Variants in CTNNA2 observed in about 807,000 individuals in gnomAD.
The protein encoded by CTNNA2 is catenin alpha 2.
CTNNA2 carries 42 observed loss-of-function variants against 101.0 expected under a neutral mutation model. That is an observed-to-expected ratio of 0.42 (90% CI 0.32 to 0.54). The LOEUF is 0.54. Among genes scored for constraint, CTNNA2 ranks in the 20% least tolerant of loss-of-function variants. The pLI is 0.14. For missense variants in CTNNA2, 871 were observed against 1,223.1 expected (o/e 0.71, Z 4.29); for synonymous variants, 450 against 456.4 (o/e 0.99, Z 0.18).
chr2:79,259,224 A>T (rs553154858), intron 2 of CTNNA2, among the ~76,000 whole-genome samples: 1 of 152,150 alleles, frequency 6.6e-6, no homozygotes, highest in Non-Finnish European at 1.5e-5. Flanking sequence ...TTCTGTGCTT[A>T]TTCTCCCTGT....
intron 1 of CTNNA2, among the ~76,000 whole-genome samples, chr2:79,564,642 T>A (rs1331385593): frequency 2.6e-5 from 4 of 152,214 alleles, no homozygotes; most frequent in Non-Finnish European, 5.9e-5. Flanking sequence ...GTCTAGTTTA[T>A]AACACCTTTG....
intron 1 of CTNNA2, among the ~76,000 whole-genome samples, chr2:79,600,145 A>T (rs1259172459): frequency 6.6e-6 from 1 of 151,980 alleles, no homozygotes; most frequent in Admixed American, 6.6e-5. Context: ...ATTGAACTAC[A>T]CCGAGAGATA....
intron 17 of CTNNA2, among the ~76,000 whole-genome samples, chr2:80,611,033 C>T (rs1290885171): frequency 2.6e-5 from 4 of 151,360 alleles, no homozygotes; most frequent in Non-Finnish European, 5.9e-5. Flanking sequence ...TGGCTTAAAC[C>T]TGTCTCAACC....
At chr2:80,400,846 C>A (rs1301650287) in intron 8 of CTNNA2, among the ~76,000 whole-genome samples, 1 of 152,190 alleles carries the variant, frequency 6.6e-6, no homozygotes, top group Non-Finnish European at 1.5e-5. Flanking sequence ...AACCTCATAA[C>A]CAGTATCCTA....
chr2:79,823,125 G>C (rs1678149721), intron 3 of CTNNA2, among the ~76,000 whole-genome samples: 1 of 152,138 alleles, frequency 6.6e-6, no homozygotes, highest in African/African-American at 2.4e-5. Flanking sequence ...GACGACTTTT[G>C]TCTCTGTTGC....
At chr2:79,435,490 C>T (rs958650606) in intron 4 of CTNNA2, among the ~76,000 whole-genome samples, 1 of 152,176 alleles carries the variant, frequency 6.6e-6, no homozygotes, top group Non-Finnish European at 1.5e-5. Flanking sequence ...CCAAATGCTA[C>T]CTTGCTCCAC....
At chr2:80,113,227 G>T (rs1024563226) in intron 7 of CTNNA2, among the ~76,000 whole-genome samples, 18 of 152,200 alleles carry the variant, frequency 1.2e-4, no homozygotes, top group Non-Finnish European at 1.9e-4. Flanking sequence ...ATTTGATACT[G>T]TGAAACATTC....
At chr2:79,970,670 C>T (rs1044434019) in intron 7 of CTNNA2, among the ~76,000 whole-genome samples, 2 of 152,026 alleles carry the variant, frequency 1.3e-5, no homozygotes, top group African/African-American at 4.8e-5. Flanking sequence ...TTTATTCTGT[C>T]GGGTATTAGA....
At chr2:80,585,549 GAT>G (rs1381202206) in intron 14 of CTNNA2, among the ~76,000 whole-genome samples, 5 of 152,098 alleles carry the variant, frequency 3.3e-5, no homozygotes, top group Non-Finnish European at 7.4e-5. Context: ...TGGCCATGAA[GAT>G]AATTTTTCTC....
At chr2:79,635,884 C>T (rs1231701434) in intron 1 of CTNNA2, among the ~76,000 whole-genome samples, 1 of 151,912 alleles carries the variant, frequency 6.6e-6, no homozygotes, top group African/African-American at 2.4e-5. Flanking sequence ...ACTTTTAAGC[C>T]TGTTCATTTT....
At chr2:79,755,413 T>A (rs945355086) in intron 3 of CTNNA2, among the ~76,000 whole-genome samples, 1 of 152,178 alleles carries the variant, frequency 6.6e-6, no homozygotes, top group Non-Finnish European at 1.5e-5. Context: ...GATGTCGTTC[T>A]TGAGTCTATG....
At chr2:80,049,828 T>A (rs1696755951) in intron 7 of CTNNA2, among the ~76,000 whole-genome samples, 1 of 152,206 alleles carries the variant, frequency 6.6e-6, no homozygotes, top group Non-Finnish European at 1.5e-5. Flanking sequence ...TTTTTGAATT[T>A]TTTTTCCAAT....
chr2:80,533,794 T>C (rs2149600633), intron 9 of CTNNA2, among the ~76,000 whole-genome samples: 1 of 152,272 alleles, frequency 6.6e-6, no homozygotes, highest in Middle Eastern at 3.4e-3. Flanking sequence ...CATGTAAAGA[T>C]GGAGAAAACA....
intron 12 of CTNNA2, among the ~76,000 whole-genome samples, chr2:80,559,726 G>A (rs113488304): frequency 1.1e-4 from 16 of 152,146 alleles, no homozygotes; most frequent in African/African-American, 3.9e-4. Context: ...TATTTGATGG[G>A]CTCTTCAATA....
intron 7 of CTNNA2, among the ~76,000 whole-genome samples, chr2:80,267,491 C>T (rs935797150): frequency 2.0e-5 from 3 of 152,138 alleles, no homozygotes; most frequent in East Asian, 3.9e-4. Context: ...CCTGGGATCC[C>T]GGACTATAGT....
chr2:79,563,851 A>G (rs1971766), intron 1 of CTNNA2, among the ~76,000 whole-genome samples: 80,908 of 152,016 alleles, frequency 0.53, 22,278 homozygotes, highest in South Asian at 0.63. Context: ...ATTCAAAGTC[A>G]TTATAACAAA....
chr2:79,678,205 T>TA (rs1683315988), intron 2 of CTNNA2, among the ~76,000 whole-genome samples: 2 of 152,178 alleles, frequency 1.3e-5, no homozygotes, highest in Non-Finnish European at 2.9e-5. Flanking sequence ...CTCCTAATTT[T>TA]AATGCTCCAG....
chr2:79,721,097 G>A (rs545614244), intron 2 of CTNNA2, among the ~76,000 whole-genome samples: 5 of 151,608 alleles, frequency 3.3e-5, no homozygotes, highest in South Asian at 4.2e-4. Flanking sequence ...TTGTTCAGGC[G>A]GAAATCTCAA....
At chr2:79,379,996 C>T (rs1446244259) in intron 4 of CTNNA2, among the ~76,000 whole-genome samples, 2 of 152,092 alleles carry the variant, frequency 1.3e-5, no homozygotes, top group Non-Finnish European at 2.9e-5. Flanking sequence ...TCTCTTATGT[C>T]CACATTCAAG....
Sources: gnomAD v4.1 joint callset for allele counts (sites outside exome capture counted in the v4.1 genomes callset) on GRCh38, gnomAD v4.1.1 for gene constraint, MANE v1.5 for transcripts, NCBI Gene and HGNC (gene_info 2026-07-23, HGNC 2026-07-21) for gene names.